Variants in ADAMTS20 observed in about 807,000 individuals in gnomAD.
ADAMTS20 encodes the protein A disintegrin and metalloproteinase with thrombospondin motifs 20.
In ADAMTS20, 225 loss-of-function variants were observed where a neutral mutation model predicts 260.1. The ratio of observed to expected loss-of-function variants is 0.87; its 90% CI spans 0.78 to 0.97. ADAMTS20 has a LOEUF of 0.97. Among genes scored for constraint, ADAMTS20 ranks in the 50% least tolerant of loss-of-function variants. The pLI is 0.00. For synonymous variants in ADAMTS20, 802 were observed against 769.5 expected, an observed-to-expected ratio of 1.04 and a Z score of -0.70; for missense variants, 2,400 against 2,337.7, an observed-to-expected ratio of 1.03 and a Z score of -0.55.
intron 3 of ADAMTS20, among the ~76,000 whole-genome samples, chr12:43,531,630 C>T (rs575852877): frequency 1.3e-5 from 2 of 152,010 alleles, no homozygotes; most frequent in Non-Finnish European, 2.9e-5. Flanking sequence ...CCAGAGGCTA[C>T]AGTTGCAGGC....
In ADAMTS20 at chr12:43,427,313, C is replaced by G. The variant is rs762242601; in HGVS notation, c.4102G>C (p.Gly1368Arg). The change falls in exon 27 of 39, where the codon GGA becomes CGA. Residue 1368 changes from glycine (G) to arginine (R), a missense_variant. By Grantham distance (125) the Gly-to-Arg change is moderately radical. Transcript: ENST00000389420. Reference protein sequence around the residue: ...PCPQWNYGNWGECSQTCGGGI... With the variant: ...PCPQWNYGNWRECSQTCGGGI... ...TAGAAAATATTATGACTTACTTCTC[C>G]CCAATTTCCGTAGTTCCACTGTGGA... 5.6e-6 allele frequency: 9 copies of G among 1,610,686 alleles called. No individual in the cohort carries two copies. The highest frequency in any genetic ancestry group is 7.6e-6 in the Non-Finnish European group (9 of 1,178,922).
chr12:43,432,274 A>G lies in ADAMTS20; in HGVS notation c.3096+30T>C, dbSNP rs1216355009. The G allele has an allele frequency of 1.5e-5, 24 of 1,592,064 alleles. 1 individual carries two copies. The South Asian group carries it at 2.6e-4, about 17-fold the overall frequency. On this transcript the variant is annotated intron_variant, in intron 21 of 38. Coordinates refer to ENST00000389420, the MANE Select transcript of ADAMTS20 (RefSeq NM_025003.5). ...AAAGCTTTACTAACACAATATTTTAATAGTTCCAAGCATCATGTGTTTAAT... is the reference window on the plus strand; with the variant it reads ...AAAGCTTTACTAACACAATATTTTAGTAGTTCCAAGCATCATGTGTTTAAT...
chr12:43,464,638 G>A lies in ADAMTS20; in HGVS notation c.1462C>T (p.Gln488Ter). The A allele has an allele frequency of 1.2e-6, 2 of 1,613,398 alleles. No individual in the cohort carries two copies. The highest frequency in any genetic ancestry group is 2.2e-5 in the East Asian group (1 of 44,850). The stretch of plus-strand genomic sequence containing the variant: ...CCAGGACCAAACGCAAGCTCACACT[G>A]CTTGTTTCCATCATATCGTGATCCA... ...LPGSRYDGNK[Q>*]CELAFGPGSQ... is the part of the protein sequence containing the mutation. Residue 488 changes from glutamine to a stop codon, truncating the protein, a stop_gained, in exon 10 of 39, where the codon CAG becomes TAG. Coordinates refer to ENST00000389420, the MANE Select transcript of ADAMTS20 (RefSeq NM_025003.5). LOFTEE classifies it high-confidence loss of function.
At chr12:43,512,587 T>G (rs369836061) in intron 3 of ADAMTS20, among the ~76,000 whole-genome samples, 12 of 152,094 alleles carry the variant, frequency 7.9e-5, no homozygotes, top group Admixed American at 5.2e-4. Context: ...TTATAGTACT[T>G]TTTTCAAAGA....
chr12:43,354,797 G>A (rs577617798), intron 38 of ADAMTS20, among the ~76,000 whole-genome samples: 1 of 151,958 alleles, frequency 6.6e-6, no homozygotes, highest in Non-Finnish European at 1.5e-5. Flanking sequence ...AACACACTCT[G>A]GAGAAAAGTA....
rs909186776 is a variant in ADAMTS20, at chr12:43,388,072, C to CA, written c.4453-4096dup. On this transcript the variant is annotated intron_variant, in intron 29 of 38. Coordinates refer to ENST00000389420, the MANE Select transcript of ADAMTS20 (RefSeq NM_025003.5). ...TTGCTGGCATTCCGGGTGCCACGTA[C>CA]AAAAAAAAAACCTCCCGCAGCTAGC... Among the ~76,000 whole-genome samples the CA allele has an allele frequency of 7.3e-4, 107 of 147,330 alleles. 1 individual carries two copies. The highest frequency in any genetic ancestry group is 6.9e-3 in the Middle Eastern group (2 of 290).
intron 37 of ADAMTS20, among the ~76,000 whole-genome samples, chr12:43,363,388 A>T (rs1271317690): frequency 6.6e-6 from 1 of 152,132 alleles, no homozygotes; most frequent in Non-Finnish European, 1.5e-5. Flanking sequence ...TATCCCAGGC[A>T]TGGTAGATCA....
intron 36 of ADAMTS20, among the ~76,000 whole-genome samples, chr12:43,369,867 T>C (rs1285815020): frequency 6.6e-6 from 1 of 152,184 alleles, no homozygotes; most frequent in Non-Finnish European, 1.5e-5. Flanking sequence ...TATTGCATTA[T>C]GTTATTCTTT....
At chr12:43,545,617 C>T (rs1943432042) in intron 2 of ADAMTS20, among the ~76,000 whole-genome samples, 1 of 152,102 alleles carries the variant, frequency 6.6e-6, no homozygotes, top group African/African-American at 2.4e-5. Flanking sequence ...AAGGACTTCT[C>T]CTTGTCAGTA....
At chr12:43,432,195 C>A in intron 21 of ADAMTS20, 109 bp downstream of exon 21, 1 of 1,235,272 alleles carries the variant, frequency 8.1e-7, no homozygotes, top group Non-Finnish European at 1.1e-6. Flanking sequence ...TAGTTATTTA[C>A]AAAATGATGA....
In ADAMTS20 at chr12:43,432,430, T is replaced by G; in HGVS notation, c.2970A>C (p.Glu990Asp). Reference sequence around the variant, plus strand: ...GGCCAAAGTTATTCATACAATAAGATTCTCGAGACCTTTCCCCTCCTCCAC... The same window carrying G: ...GGCCAAAGTTATTCATACAATAAGAGTCTCGAGACCTTTCCCCTCCTCCAC... The part of the protein sequence containing the change: ...RSCGGGERSR[E>D]SYCMNNFGHR... The change falls in exon 21 of 39, where the codon GAA becomes GAC. Residue 990 changes from glutamate to aspartate, a missense_variant. Physicochemically the swap from Glu to Asp is conservative, Grantham distance 45. Coordinates refer to ENST00000389420, the MANE Select transcript of ADAMTS20 (RefSeq NM_025003.5). The G allele has an allele frequency of 6.2e-7, 1 of 1,613,696 alleles. No homozygotes were observed.
chr12:43,493,040 A>C (rs1942627203), intron 5 of ADAMTS20, 130 bp downstream of exon 5: 3 of 685,764 alleles, frequency 4.4e-6, no homozygotes, highest in African/African-American at 3.6e-5. Flanking sequence ...GGGTAATCTC[A>C]TTCCTTCTCA....
intron 11 of ADAMTS20, among the ~76,000 whole-genome samples, chr12:43,462,244 C>T (rs2137373464): frequency 6.6e-6 from 1 of 152,292 alleles, no homozygotes; most frequent in African/African-American, 2.4e-5. Flanking sequence ...CTCAGAGATG[C>T]TGACAGACTA....
chr12:43,421,594 A>G (rs946464290), intron 28 of ADAMTS20, among the ~76,000 whole-genome samples: 1 of 152,118 alleles, frequency 6.6e-6, no homozygotes, highest in African/African-American at 2.4e-5. Flanking sequence ...GAGAAAAGTA[A>G]AACTTTTACT....
At chr12:43,542,381 C>T (rs556458091) in intron 2 of ADAMTS20, among the ~76,000 whole-genome samples, 2 of 152,084 alleles carry the variant, frequency 1.3e-5, no homozygotes, top group Non-Finnish European at 2.9e-5. Context: ...CATATAATAT[C>T]TAGAGGGACA....
intron 38 of ADAMTS20, among the ~76,000 whole-genome samples, chr12:43,355,027 A>G (rs1939714045): frequency 6.6e-6 from 1 of 152,226 alleles, no homozygotes; most frequent in African/African-American, 2.4e-5. Context: ...AGAACATGAG[A>G]CAAAAATAGG....
intron 4 of ADAMTS20, among the ~76,000 whole-genome samples, chr12:43,500,685 C>T (rs1942745741): frequency 6.6e-6 from 1 of 152,128 alleles, no homozygotes; most frequent in African/African-American, 2.4e-5. Context: ...TTATTTATCA[C>T]AATGCACTGA....
At chr12:43,442,750 T>C (rs908704310) in intron 16 of ADAMTS20, among the ~76,000 whole-genome samples, 10 of 152,256 alleles carry the variant, frequency 6.6e-5, no homozygotes, top group South Asian at 2.1e-4. Flanking sequence ...AAAAGGCTAA[T>C]AAATCAAACT....
intron 38 of ADAMTS20, 96 bp from the exon 39 acceptor site, chr12:43,354,394 A>ATGATTTTAGCCAT: frequency 1.2e-6 from 1 of 846,274 alleles, no homozygotes. Context: ...CATATGGCTA[A>ATGATTTTAGCCAT]AATCATTAGC....
Sources: allele counts gnomAD v4.1 joint callset (sites outside exome capture counted in the v4.1 genomes callset), GRCh38; gene constraint gnomAD v4.1.1; transcripts MANE v1.5; gene names NCBI Gene and HGNC (gene_info 2026-07-23, HGNC 2026-07-21).